TNKS: variants seen among roughly 807,000 people sequenced by gnomAD.
TNKS encodes poly [ADP-ribose] polymerase tankyrase-1.
In TNKS, 72 loss-of-function variants were observed where a neutral mutation model predicts 135.8. The observed-to-expected ratio is 0.53, with a 90% CI of 0.44 to 0.64. TNKS has a LOEUF of 0.64. Among genes scored for constraint, TNKS ranks in the 30% least tolerant of loss-of-function variants. The pLI, the probability that TNKS is intolerant of heterozygous loss-of-function variation, is 0.00. For synonymous variants in TNKS, 849 were observed against 649.3 expected (o/e 1.31, Z -4.68); for missense variants, 1,769 against 1,674.0 (o/e 1.06, Z -0.99).
At chr8:9,617,103 C>CCT (rs1563120042) in intron 3 of TNKS, among the ~76,000 whole-genome samples, 20 of 152,294 alleles carry the variant, frequency 1.3e-4, no homozygotes, top group East Asian at 9.6e-4. Flanking sequence ...AATGCAACAA[C>CCT]GCTTTTAGAT....
intron 17 of TNKS, among the ~76,000 whole-genome samples, chr8:9,744,347 C>A (rs906819391): frequency 1.3e-5 from 2 of 152,148 alleles, no homozygotes; most frequent in Admixed American, 1.3e-4. Flanking sequence ...GATTCATTTT[C>A]TCTCAACTGT....
At chr8:9,729,465 C>T (rs114755202) in intron 13 of TNKS, among the ~76,000 whole-genome samples, 137 of 152,298 alleles carry the variant, frequency 9.0e-4, no homozygotes, top group African/African-American at 2.9e-3. Context: ...ATTGTCTGCT[C>T]TGCTTCATTT....
intron 3 of TNKS, among the ~76,000 whole-genome samples, chr8:9,637,339 C>A (rs1472741109): frequency 2.0e-5 from 3 of 152,040 alleles, no homozygotes; most frequent in African/African-American, 7.2e-5. Flanking sequence ...GGTTTCCGTT[C>A]CTTCCTTCAG....
chr8:9,575,276 C>T (rs1259983991), intron 1 of TNKS: 4 of 572,228 alleles, frequency 7.0e-6, no homozygotes, highest in African/African-American at 2.0e-5. Flanking sequence ...TTAGTAGAGA[C>T]GGGTTTCACC....
At chr8:9,755,256 C>G (rs1014778863) in intron 20 of TNKS, among the ~76,000 whole-genome samples, 5 of 152,260 alleles carry the variant, frequency 3.3e-5, no homozygotes, top group African/African-American at 1.2e-4. Context: ...GTTTAGTCTC[C>G]TAGTCACTCC....
At chr8:9,651,124 G>A (rs1054206145) in intron 3 of TNKS, among the ~76,000 whole-genome samples, 1 of 152,126 alleles carries the variant, frequency 6.6e-6, no homozygotes, top group African/African-American at 2.4e-5. Flanking sequence ...TCAGTTGGCT[G>A]TGAGTACTTG....
At chr8:9,694,103 A>G (rs1803403276) in intron 5 of TNKS, among the ~76,000 whole-genome samples, 1 of 152,174 alleles carries the variant, frequency 6.6e-6, no homozygotes. Context: ...CACAGTTGTG[A>G]TTTTATTCTT....
intron 1 of TNKS, among the ~76,000 whole-genome samples, chr8:9,570,246 C>G (rs934629586): frequency 1.9e-4 from 29 of 152,180 alleles, no homozygotes; most frequent in African/African-American, 7.0e-4. Flanking sequence ...TTGAGACCAG[C>G]CTGGGCAATA....
intron 2 of TNKS, among the ~76,000 whole-genome samples, chr8:9,593,039 A>T (rs1038944268): frequency 6.6e-6 from 1 of 152,222 alleles, no homozygotes; most frequent in Admixed American, 6.5e-5. Flanking sequence ...TCCACAAAGG[A>T]TAGTAAAACA....
intron 2 of TNKS, among the ~76,000 whole-genome samples, chr8:9,584,718 T>C (rs139836124): frequency 6.6e-6 from 1 of 152,342 alleles, no homozygotes; most frequent in East Asian, 1.9e-4. Context: ...TAAGTCTCAC[T>C]GCCCTCACAC....
At chr8:9,757,987 G>C (rs927918874) in intron 20 of TNKS, among the ~76,000 whole-genome samples, 1 of 152,136 alleles carries the variant, frequency 6.6e-6, no homozygotes, top group Non-Finnish European at 1.5e-5. Context: ...TAAATTTAAC[G>C]CTTAATCATG....
rs1382545424 is a variant in TNKS at position 9,765,623 on chromosome 8, C to T, written c.3448-69C>T. On this transcript the variant is annotated intron_variant, in intron 23 of 26. Transcript: ENST00000310430. Reference sequence around the variant, plus strand: ...AAATTGAACCTTCCTAAAAGGAAAACATACTTTTCATTTTAAATCATAAAT... The same window carrying T: ...AAATTGAACCTTCCTAAAAGGAAAATATACTTTTCATTTTAAATCATAAAT... 4.5e-6 allele frequency: 6 copies of T among 1,336,958 alleles called. No homozygotes were observed. In the African/African-American group the frequency reaches 5.8e-5, roughly 13 times the overall value. 82.8% of individuals were successfully genotyped at this position (1,336,958 alleles called of 1,614,324 possible).
At chr8:9,702,309 G>GCACACACACACACA (rs750772294) in intron 5 of TNKS, among the ~76,000 whole-genome samples, 1 of 149,948 alleles carries the variant, frequency 6.7e-6, no homozygotes, top group African/African-American at 2.5e-5. Flanking sequence ...GCGTGTGCGT[G>GCACACACACACACA]CACACACACA....
chr8:9,620,927 A>G (rs1234580474), intron 3 of TNKS, among the ~76,000 whole-genome samples: 1 of 152,218 alleles, frequency 6.6e-6, no homozygotes, highest in Admixed American at 6.5e-5. Flanking sequence ...CTTTATCCCC[A>G]GGACTCAAAA....
chr8:9,661,671 T>A (rs1211977154), intron 3 of TNKS, among the ~76,000 whole-genome samples: 1 of 152,198 alleles, frequency 6.6e-6, no homozygotes, highest in African/African-American at 2.4e-5. Flanking sequence ...GACATAGGCA[T>A]GGGCAAGGAC....
chr8:9,655,074 A>G (rs1042329168), intron 3 of TNKS, among the ~76,000 whole-genome samples: 3 of 152,216 alleles, frequency 2.0e-5, no homozygotes, highest in African/African-American at 7.2e-5. Context: ...CAACGGGCTT[A>G]ATGGCACACC....
chr8:9,700,281 G>A (rs1803732221), intron 5 of TNKS, among the ~76,000 whole-genome samples: 1 of 152,120 alleles, frequency 6.6e-6, no homozygotes, highest in South Asian at 2.1e-4. Flanking sequence ...TCATTTATAT[G>A]CATTTCCTTT....
At chr8:9,605,849 G>T (rs1169033572) in intron 2 of TNKS, among the ~76,000 whole-genome samples, 1 of 151,838 alleles carries the variant, frequency 6.6e-6, no homozygotes, top group Admixed American at 6.6e-5. Flanking sequence ...AGAGTTTTTT[G>T]TCTTACATAT....
At chr8:9,731,164 A>G in intron 14 of TNKS, 129 bp downstream of exon 14, 1 of 1,206,428 alleles carries the variant, frequency 8.3e-7, no homozygotes, top group African/African-American at 1.6e-5. Context: ...AACATAAATT[A>G]AAACATAGAA....
Sources: allele counts gnomAD v4.1 joint callset (sites outside exome capture counted in the v4.1 genomes callset), GRCh38; gene constraint gnomAD v4.1.1; transcripts MANE v1.5; gene names NCBI Gene and HGNC (gene_info 2026-07-23, HGNC 2026-07-21).